The following PIK3C2G variants were observed in gnomAD, a reference collection of about 807,000 sequenced individuals.
The protein encoded by PIK3C2G is phosphatidylinositol-4-phosphate 3-kinase catalytic subunit type 2 gamma.
In PIK3C2G, 168 loss-of-function variants were observed where a neutral mutation model predicts 181.1. The ratio of observed to expected loss-of-function variants is 0.93; its 90% CI spans 0.82 to 1.05. The LOEUF is 1.05. Ranked by LOEUF, PIK3C2G falls within the 50% of genes least tolerant of loss-of-function variation. The pLI, the probability that PIK3C2G is intolerant of heterozygous loss-of-function variation, is 0.00. For synonymous variants in PIK3C2G, 573 were observed against 592.2 expected (o/e 0.97, Z 0.47); for missense variants, 1,869 against 1,732.8 (o/e 1.08, Z -1.40).
intron 18 of PIK3C2G, among the ~76,000 whole-genome samples, chr12:18,464,050 T>G (rs1948059167): frequency 6.6e-6 from 1 of 152,104 alleles, no homozygotes; most frequent in Admixed American, 6.6e-5. Context: ...CCCAGAATGA[T>G]CTGTACTAAC....
intron 8 of PIK3C2G, among the ~76,000 whole-genome samples, chr12:18,337,297 C>G (rs6486901): frequency 0.016 from 2,396 of 152,152 alleles, 81 homozygotes; most frequent in African/African-American, 0.055. Context: ...TATTTAAGAA[C>G]ATGTGTAAAT....
intron 23 of PIK3C2G, among the ~76,000 whole-genome samples, chr12:18,504,341 T>A (rs573010630): frequency 1.4e-3 from 210 of 152,308 alleles, no homozygotes; most frequent in Non-Finnish European, 2.5e-3. Context: ...AATTATAACT[T>A]CAGTTTTGCA....
chr12:18,420,591 C>A (rs1284236930), intron 16 of PIK3C2G, among the ~76,000 whole-genome samples: 1 of 152,102 alleles, frequency 6.6e-6, no homozygotes, highest in Non-Finnish European at 1.5e-5. Flanking sequence ...TTGGTAATAA[C>A]TTATTTATCA....
intron 31 of PIK3C2G, among the ~76,000 whole-genome samples, chr12:18,637,548 T>C (rs181304004): frequency 1.4e-3 from 219 of 152,288 alleles, no homozygotes; most frequent in African/African-American, 5.1e-3. Flanking sequence ...CTGTCCGCTA[T>C]GGTAACCACA....
the PIK3C2G span, among the ~76,000 whole-genome samples, chr12:18,659,037 G>A: frequency 3.9e-5 from 6 of 152,116 alleles, no homozygotes; most frequent in African/African-American, 9.7e-5. Flanking sequence ...TTGTATTGGA[G>A]AGGCAAGAGT....
At chr12:18,717,529 G>A in the PIK3C2G span, among the ~76,000 whole-genome samples, 1,088 of 152,200 alleles carry the variant, frequency 7.1e-3, 13 homozygotes, top group African/African-American at 0.025. Context: ...TTTCCAGTCT[G>A]ATAACTTCTG....
the PIK3C2G span, among the ~76,000 whole-genome samples, chr12:18,687,167 C>T: frequency 6.6e-6 from 1 of 152,210 alleles, no homozygotes; most frequent in South Asian, 2.1e-4. Flanking sequence ...GCAATAAAAT[C>T]TTTCCAAATC....
At chr12:18,627,939 A>T (rs1949176162) in intron 31 of PIK3C2G, among the ~76,000 whole-genome samples, 1 of 152,220 alleles carries the variant, frequency 6.6e-6, no homozygotes, top group Admixed American at 6.5e-5. Flanking sequence ...CATTGAAAAG[A>T]TAATAACCTA....
At chr12:18,698,101 C>T in the PIK3C2G span, among the ~76,000 whole-genome samples, 12,703 of 151,492 alleles carry the variant, frequency 0.084, 652 homozygotes, top group African/African-American at 0.14. Flanking sequence ...CATGAAGGAA[C>T]AGAGACCAGT....
chr12:18,253,462 C>T lies in PIK3C2G; in HGVS notation c.-79+5380C>T, dbSNP rs1192361818. Among the ~76,000 whole-genome samples, 4 of 151,922 alleles carry T rather than the reference C, an allele frequency of 2.6e-5. No individual in the cohort carries two copies. In the South Asian group the frequency reaches 6.2e-4, roughly 24 times the overall value. On this transcript the variant is annotated intron_variant, in intron 1 of 11. Coordinates refer to the PIK3C2G transcript ENST00000535651. Reference sequence around the variant, plus strand: ...TCCATATTATAGTGGGAGAGTAAAACGTGTGTGTGTATATGTATATATATG... The same window carrying T: ...TCCATATTATAGTGGGAGAGTAAAATGTGTGTGTGTATATGTATATATATG...
intron 5 of PIK3C2G, among the ~76,000 whole-genome samples, chr12:18,312,714 C>T (rs1045796775): frequency 6.6e-6 from 1 of 152,050 alleles, no homozygotes; most frequent in African/African-American, 2.4e-5. Context: ...CTAGATTAGA[C>T]TAACAGTTGG....
At chr12:18,597,850 A>G (rs1947464234) in intron 30 of PIK3C2G, among the ~76,000 whole-genome samples, 1 of 152,092 alleles carries the variant, frequency 6.6e-6, no homozygotes, top group African/African-American at 2.4e-5. Flanking sequence ...CTTATACACC[A>G]ATAACAGACA....
intron 5 of PIK3C2G, among the ~76,000 whole-genome samples, chr12:18,295,592 TTAAC>T (rs1414665946): frequency 6.6e-6 from 1 of 152,016 alleles, no homozygotes; most frequent in Admixed American, 6.6e-5. Flanking sequence ...GGCTCAATAT[TTAAC>T]TAATAAATGT....
chr12:18,554,527 C>A (rs1463377596), intron 26 of PIK3C2G, among the ~76,000 whole-genome samples: 1 of 151,790 alleles, frequency 6.6e-6, no homozygotes, highest in Admixed American at 6.6e-5. Flanking sequence ...TGTGCTTTTT[C>A]CATGTGTGCA....
Position 18,342,965 on chromosome 12 carries a change from C to G in PIK3C2G, c.1396-362C>G, listed in dbSNP as rs75687780. 3.1e-3 allele frequency among the ~76,000 whole-genome samples: 477 copies of G among 152,062 alleles called. 5 individuals are homozygous for G. Among genetic ancestry groups the G allele is most frequent in the African/African-American group, 0.011 (446 of 41,524 alleles). On this transcript the variant is annotated intron_variant, in intron 9 of 32. Transcript: ENST00000538779. ...TGTTTTTGGTGCTGTCCAAAGCTTG[C>G]TGAATAACTGCTAGGAATAAGAGCT...
At chr12:18,491,805 A>C (rs1241576610) in intron 20 of PIK3C2G, among the ~76,000 whole-genome samples, 1 of 152,172 alleles carries the variant, frequency 6.6e-6, no homozygotes, top group Non-Finnish European at 1.5e-5. Flanking sequence ...TGAAAAAAAA[A>C]AAAATAGAGG....
At chr12:18,332,890 G>T (rs1484586141) in intron 8 of PIK3C2G, among the ~76,000 whole-genome samples, 1 of 152,102 alleles carries the variant, frequency 6.6e-6, no homozygotes, top group African/African-American at 2.4e-5. Flanking sequence ...TCAGTTTCCT[G>T]CACAGCCTTC....
chr12:18,505,256 T>C (rs1941745538), intron 23 of PIK3C2G, 36 bp from the exon 24 acceptor site: 3 of 1,528,776 alleles, frequency 2.0e-6, no homozygotes, highest in Non-Finnish European at 2.7e-6. Flanking sequence ...TCATTTTTTG[T>C]TGTTATTTTT....
chr12:18,659,152 A>G, the PIK3C2G span, among the ~76,000 whole-genome samples: 4 of 152,150 alleles, frequency 2.6e-5, no homozygotes, highest in Non-Finnish European at 5.9e-5. Flanking sequence ...AACAGTAACC[A>G]TAATTCTCAT....
Sources: allele counts gnomAD v4.1 joint callset (sites outside exome capture counted in the v4.1 genomes callset), GRCh38; gene constraint gnomAD v4.1.1; transcripts MANE v1.5; gene names NCBI Gene and HGNC (gene_info 2026-07-23, HGNC 2026-07-21).